CEP128: variants seen among roughly 807,000 people sequenced by gnomAD.
CEP128 encodes centrosomal protein 128, also known as centrosomal protein 128kDa.
A neutral mutation model predicts 156.7 loss-of-function variants in CEP128; 132 were observed. The ratio of observed to expected loss-of-function variants is 0.84; its 90% CI spans 0.73 to 0.97. CEP128 has a LOEUF of 0.97. Among genes scored for constraint, CEP128 ranks in the 50% least tolerant of loss-of-function variants. The pLI, the probability that CEP128 is intolerant of heterozygous loss-of-function variation, is 0.00. For missense variants in CEP128, 1,252 were observed against 1,281.9 expected (o/e 0.98, Z 0.36); for synonymous variants, 469 against 448.9 (o/e 1.04, Z -0.57).
chr14:80,642,450 A>G (rs1157545918), intron 19 of CEP128, among the ~76,000 whole-genome samples: 1 of 152,174 alleles, frequency 6.6e-6, no homozygotes, highest in African/African-American at 2.4e-5. Flanking sequence ...TGAGAGGCCA[A>G]TGCAGGAAGA....
intron 19 of CEP128, among the ~76,000 whole-genome samples, chr14:80,633,209 C>T (rs1191642377): frequency 4.0e-5 from 6 of 150,294 alleles, no homozygotes. Flanking sequence ...ATCTGGGTGC[C>T]AGAGTTAGAC....
intron 23 of CEP128, among the ~76,000 whole-genome samples, chr14:80,520,908 T>G (rs1004264599): frequency 2.0e-5 from 3 of 151,834 alleles, no homozygotes; most frequent in Non-Finnish European, 2.9e-5. Flanking sequence ...CTGCAAGCTC[T>G]GCCTCCCAGG....
chr14:80,841,752 G>T (rs539487796), intron 9 of CEP128, among the ~76,000 whole-genome samples: 1 of 151,984 alleles, frequency 6.6e-6, no homozygotes, highest in East Asian at 1.9e-4. Context: ...ATAGATTCTG[G>T]CTGCCTGCCT....
chr14:80,760,384 G>A (rs370314670), intron 17 of CEP128, among the ~76,000 whole-genome samples: 1 of 151,892 alleles, frequency 6.6e-6, no homozygotes, highest in Non-Finnish European at 1.5e-5. Flanking sequence ...TTGACTGCAA[G>A]AGAATTAGTT....
chr14:80,616,168 T>A (rs1052553646), intron 19 of CEP128, among the ~76,000 whole-genome samples: 2 of 152,282 alleles, frequency 1.3e-5, no homozygotes, highest in African/African-American at 4.8e-5. Context: ...AACTTAAAAA[T>A]TTGCATTCAA....
In CEP128 at chr14:80,518,067, T is replaced by C. The variant is rs183156145; in HGVS notation, c.3072+8802A>G. On this transcript the variant is annotated intron_variant, in intron 23 of 24. Transcript: ENST00000555265. ...AAGGGCGTGCAGTTGCAAGATTCAATAGAGTGAAAACAGAACTCCCATATA... is the reference window on the plus strand; with the variant it reads ...AAGGGCGTGCAGTTGCAAGATTCAACAGAGTGAAAACAGAACTCCCATATA... Among the ~76,000 whole-genome samples, 1,273 of 150,094 alleles carry C rather than the reference T, an allele frequency of 8.5e-3. 3 individuals carry two copies. Among genetic ancestry groups the C allele is most frequent in the Non-Finnish European group, 0.014 (933 of 67,644 alleles).
intron 1 of CEP128, among the ~76,000 whole-genome samples, chr14:80,940,513 A>AT (rs58675563): frequency 0.16 from 23,123 of 148,940 alleles, 2,020 homozygotes; most frequent in Admixed American, 0.22. Context: ...GACTTAAAAT[A>AT]TTTTTTTTTT....
At chr14:80,648,453 C>T (rs117953743) in intron 19 of CEP128, among the ~76,000 whole-genome samples, 4,365 of 152,120 alleles carry the variant, frequency 0.029, 76 homozygotes, top group Non-Finnish European at 0.041. Context: ...TTTAACTAAA[C>T]TATAATTAAT....
chr14:80,805,108 T>A (rs1396151830), intron 13 of CEP128, among the ~76,000 whole-genome samples: 1 of 152,018 alleles, frequency 6.6e-6, no homozygotes, highest in Non-Finnish European at 1.5e-5. Flanking sequence ...CTCAGCACTC[T>A]CTTGAGGTTT....
intron 19 of CEP128, among the ~76,000 whole-genome samples, chr14:80,666,972 A>G (rs774015114): frequency 1.9e-4 from 29 of 152,316 alleles, no homozygotes; most frequent in South Asian, 6.2e-4. Context: ...TAAGTACTAT[A>G]TAAAAACAAG....
intron 4 of CEP128, among the ~76,000 whole-genome samples, chr14:80,912,651 C>G (rs967970856): frequency 6.6e-6 from 1 of 152,058 alleles, no homozygotes; most frequent in Admixed American, 6.5e-5. Flanking sequence ...ACAAGGATGT[C>G]CAAACTCATT....
chr14:80,802,247 T>C (rs983997380), intron 13 of CEP128, among the ~76,000 whole-genome samples: 5 of 152,150 alleles, frequency 3.3e-5, no homozygotes, highest in African/African-American at 4.8e-5. Context: ...CGTATGTTTA[T>C]TGCGGCACTA....
At chr14:80,563,457 A>C (rs565130132) in intron 20 of CEP128, among the ~76,000 whole-genome samples, 49 of 148,992 alleles carry the variant, frequency 3.3e-4, no homozygotes, top group African/African-American at 1.1e-3. Flanking sequence ...CAACACACAT[A>C]TGTAATTTTA....
chr14:80,859,097 C>T (rs1458600420), intron 9 of CEP128, among the ~76,000 whole-genome samples: 50 of 149,926 alleles, frequency 3.3e-4, no homozygotes, highest in Non-Finnish European at 6.1e-4. Context: ...CACATGCACA[C>T]GTATGTTTAT....
At chr14:80,928,685 T>C (rs1885280283) in intron 2 of CEP128, among the ~76,000 whole-genome samples, 4 of 152,122 alleles carry the variant, frequency 2.6e-5, no homozygotes, top group Admixed American at 2.6e-4. Flanking sequence ...CAGGCGTTCC[T>C]GAGAAAGAAG....
intron 23 of CEP128, among the ~76,000 whole-genome samples, chr14:80,515,602 C>A (rs1050966327): frequency 6.6e-6 from 1 of 152,180 alleles, no homozygotes; most frequent in African/African-American, 2.4e-5. Flanking sequence ...TGGGCCTCTC[C>A]CTTCAGGGCA....
At chr14:80,818,257 G>T (rs143068662) in intron 13 of CEP128, among the ~76,000 whole-genome samples, 4 of 152,076 alleles carry the variant, frequency 2.6e-5, no homozygotes, top group Non-Finnish European at 5.9e-5. Context: ...GGACTCAAGC[G>T]ATCCTCCCAC....
At chr14:80,772,478 C>G (rs544655825) in intron 16 of CEP128, among the ~76,000 whole-genome samples, 1 of 152,300 alleles carries the variant, frequency 6.6e-6, no homozygotes, top group East Asian at 1.9e-4. Flanking sequence ...CTCAATAAAA[C>G]CGTGCATTCA....
intron 2 of CEP128, among the ~76,000 whole-genome samples, chr14:80,951,099 T>A (rs1302687919): frequency 6.6e-6 from 1 of 152,068 alleles, no homozygotes; most frequent in African/African-American, 2.4e-5. Flanking sequence ...AAAGTAATAC[T>A]TTTTCAGACA....
Sources: allele counts gnomAD v4.1 joint callset (sites outside exome capture counted in the v4.1 genomes callset), GRCh38; gene constraint gnomAD v4.1.1; transcripts MANE v1.5; gene names NCBI Gene and HGNC (gene_info 2026-07-23, HGNC 2026-07-21).